Variants in SEMA3E observed in about 807,000 individuals in gnomAD.
SEMA3E encodes semaphorin 3E, also known as semaphorin-3E.
SEMA3E carries 49 observed loss-of-function variants against 93.6 expected under a neutral mutation model. The ratio of observed to expected loss-of-function variants is 0.52; its 90% CI spans 0.42 to 0.66. The LOEUF (loss-of-function observed/expected upper bound fraction) is 0.66, where lower values mean the gene tolerates loss of function less well. SEMA3E is among the 30% of genes least tolerant of loss of function. SEMA3E has a pLI of 0.00. For missense variants in SEMA3E, 906 were observed against 964.8 expected, an observed-to-expected ratio of 0.94 and a Z score of 0.81; for synonymous variants, 363 against 330.7, an observed-to-expected ratio of 1.10 and a Z score of -1.06.
intron 1 of SEMA3E, among the ~76,000 whole-genome samples, chr7:83,594,453 A>C (rs1792825376): frequency 6.6e-6 from 1 of 152,100 alleles, no homozygotes; most frequent in Admixed American, 6.6e-5. Context: ...GATCAGACTA[A>C]TCAGTGCTGG....
At chr7:83,468,433 T>A (rs1298356347) in intron 3 of SEMA3E, among the ~76,000 whole-genome samples, 1 of 152,210 alleles carries the variant, frequency 6.6e-6, no homozygotes, top group Non-Finnish European at 1.5e-5. Flanking sequence ...ATATGTTCAA[T>A]TAGTCAGCAT....
At chr7:83,387,839 G>T (rs117135631) in intron 14 of SEMA3E, among the ~76,000 whole-genome samples, 2 of 139,932 alleles carry the variant, frequency 1.4e-5, no homozygotes, top group South Asian at 2.2e-4. Flanking sequence ...TATATATAAC[G>T]TTATATATAT....
At chr7:83,406,140 T>C in intron 7 of SEMA3E, 81 bp from the exon 8 acceptor site, 2 of 1,012,048 alleles carry the variant, frequency 2.0e-6, no homozygotes, top group Non-Finnish European at 1.6e-6. Context: ...AACATGCAGT[T>C]GCCAAGAGTT....
At chr7:83,527,102 A>G (rs1791176943) in intron 1 of SEMA3E, among the ~76,000 whole-genome samples, 2 of 152,140 alleles carry the variant, frequency 1.3e-5, no homozygotes, top group African/African-American at 4.8e-5. Flanking sequence ...ACCATGTGAC[A>G]GTGGTGGCAA....
chr7:83,620,690 A>G (rs1309623668), intron 1 of SEMA3E, among the ~76,000 whole-genome samples: 1 of 152,184 alleles, frequency 6.6e-6, no homozygotes. Context: ...AGGTTGGTTC[A>G]ACATATACAA....
chr7:83,450,161 C>T (rs553270146), intron 4 of SEMA3E, among the ~76,000 whole-genome samples: 1 of 152,158 alleles, frequency 6.6e-6, no homozygotes, highest in African/African-American at 2.4e-5. Context: ...AAAACTTATA[C>T]ACCACTTGTG....
chr7:83,426,028 A>G (rs10254928), intron 4 of SEMA3E, among the ~76,000 whole-genome samples: 6 of 152,140 alleles, frequency 3.9e-5, no homozygotes, highest in African/African-American at 1.4e-4. Context: ...ATGAGATACC[A>G]TCTCACACCA....
At chr7:83,453,420 T>C (rs1789405048) in intron 4 of SEMA3E, among the ~76,000 whole-genome samples, 2 of 83,710 alleles carry the variant, frequency 2.4e-5, no homozygotes, top group African/African-American at 6.3e-5. Context: ...TTCTCCCTAC[T>C]GAAAAAAAAA....
intron 1 of SEMA3E, among the ~76,000 whole-genome samples, chr7:83,637,605 A>G (rs574129646): frequency 3.5e-4 from 53 of 151,878 alleles, no homozygotes; most frequent in African/African-American, 1.3e-3. Flanking sequence ...TTCTCGGGAG[A>G]TCTGATGGTT....
chr7:83,604,395 A>G (rs1296084462), intron 1 of SEMA3E, among the ~76,000 whole-genome samples: 1 of 150,840 alleles, frequency 6.6e-6, no homozygotes, highest in Non-Finnish European at 1.5e-5. Flanking sequence ...AGTTTTTTGA[A>G]TTTGGTTTTA....
chr7:83,527,144 ATGCCCAGGAC>A (rs1791177468), intron 1 of SEMA3E, among the ~76,000 whole-genome samples: 1 of 152,054 alleles, frequency 6.6e-6, no homozygotes, highest in Non-Finnish European at 1.5e-5. Context: ...AAGCCACAGA[ATGCCCAGGAC>A]TGGCAGCAAC....
chr7:83,594,918 G>A (rs1340229451), intron 1 of SEMA3E, among the ~76,000 whole-genome samples: 1 of 149,192 alleles, frequency 6.7e-6, no homozygotes, highest in East Asian at 2.0e-4. Context: ...TTCCAGTTAT[G>A]TTTGGGGAGG....
intron 4 of SEMA3E, among the ~76,000 whole-genome samples, chr7:83,443,122 A>T (rs1456199882): frequency 6.6e-6 from 1 of 152,214 alleles, no homozygotes; most frequent in Non-Finnish European, 1.5e-5. Flanking sequence ...GACACAGCAA[A>T]GAGACGTCCA....
At chr7:83,606,777 T>TAAA (rs34026764) in intron 1 of SEMA3E, among the ~76,000 whole-genome samples, 7 of 146,842 alleles carry the variant, frequency 4.8e-5, no homozygotes, top group African/African-American at 1.8e-4. Context: ...AAAAAAAAAT[T>TAAA]AAAAAAAAAA....
chr7:83,622,344 G>C (rs966194698), intron 1 of SEMA3E, among the ~76,000 whole-genome samples: 2 of 152,138 alleles, frequency 1.3e-5, no homozygotes, highest in Non-Finnish European at 2.9e-5. Flanking sequence ...ATGCTGGTGA[G>C]GTTGTGGAGA....
chr7:83,463,960 G>A (rs1789693955), intron 4 of SEMA3E, among the ~76,000 whole-genome samples: 1 of 152,082 alleles, frequency 6.6e-6, no homozygotes, highest in Non-Finnish European at 1.5e-5. Context: ...CACTGGATAG[G>A]TAGAGGCCTT....
chr7:83,396,004 C>G (rs1788111217), intron 12 of SEMA3E, among the ~76,000 whole-genome samples: 1 of 151,600 alleles, frequency 6.6e-6, no homozygotes, highest in African/African-American at 2.4e-5. Flanking sequence ...GTTACAACAA[C>G]TTTGAAGACC....
intron 16 of SEMA3E, among the ~76,000 whole-genome samples, chr7:83,373,945 G>T (rs771971315): frequency 6.6e-6 from 1 of 152,052 alleles, no homozygotes; most frequent in South Asian, 2.1e-4. Flanking sequence ...GGTGTTTCAC[G>T]CCTGTAATCC....
intron 4 of SEMA3E, among the ~76,000 whole-genome samples, chr7:83,456,788 A>G (rs1169269572): frequency 6.6e-6 from 1 of 151,732 alleles, no homozygotes; most frequent in Non-Finnish European, 1.5e-5. Flanking sequence ...TAATTTTTAT[A>G]TTTTTAGTAG....
Sources: allele counts gnomAD v4.1 joint callset (sites outside exome capture counted in the v4.1 genomes callset), GRCh38; gene constraint gnomAD v4.1.1; transcripts MANE v1.5; gene names NCBI Gene and HGNC (gene_info 2026-07-23, HGNC 2026-07-21).